Variants in DCDC2C observed in about 807,000 individuals in gnomAD.
DCDC2C encodes doublecortin domain containing 2C, also known as doublecortin domain-containing protein 2C.
In DCDC2C, 44 loss-of-function variants were observed where a neutral mutation model predicts 45.0. The observed-to-expected ratio is 0.98, with a 90% CI of 0.77 to 1.26. DCDC2C has a LOEUF of 1.26. Ranked by LOEUF, DCDC2C falls within the 50% of genes most tolerant of loss-of-function variation. The pLI, the probability that DCDC2C is intolerant of heterozygous loss-of-function variation, is 0.00. For synonymous variants in DCDC2C, 187 were observed against 178.8 expected, an observed-to-expected ratio of 1.05 and a Z score of -0.37; for missense variants, 447 against 468.9, an observed-to-expected ratio of 0.95 and a Z score of 0.43.
At chr2:3,805,422 C>T (rs770407186) in intron 10 of DCDC2C, among the ~76,000 whole-genome samples, 8 of 152,110 alleles carry the variant, frequency 5.3e-5, no homozygotes, top group Non-Finnish European at 1.2e-4. Flanking sequence ...CATACTGAGT[C>T]GTGTGTGTGA....
chr2:3,739,471 G>A (rs565998404), intron 3 of DCDC2C, among the ~76,000 whole-genome samples: 1 of 152,330 alleles, frequency 6.6e-6, no homozygotes, highest in East Asian at 1.9e-4. Context: ...CTGGACGTCG[G>A]GAGGAGCACA....
intron 10 of DCDC2C, among the ~76,000 whole-genome samples, chr2:3,806,476 T>A (rs1011872592): frequency 5.3e-5 from 8 of 152,104 alleles, no homozygotes; most frequent in Non-Finnish European, 1.2e-4. Context: ...TAGAGACCCA[T>A]CTCTTGAAAT....
chr2:3,831,035 G>A (rs1671938568), intron 10 of DCDC2C, among the ~76,000 whole-genome samples: 1 of 152,042 alleles, frequency 6.6e-6, no homozygotes, highest in African/African-American at 2.4e-5. Context: ...GCAATTCCGA[G>A]TAGGATTTAC....
At chr2:3,790,601 A>G (rs1242556201) in intron 10 of DCDC2C, among the ~76,000 whole-genome samples, 1 of 152,168 alleles carries the variant, frequency 6.6e-6, no homozygotes, top group Admixed American at 6.5e-5. Context: ...TCATTAATTG[A>G]TTTTTAAAAT....
intron 10 of DCDC2C, among the ~76,000 whole-genome samples, chr2:3,846,073 G>A (rs1274597883): frequency 2.0e-5 from 3 of 151,996 alleles, no homozygotes; most frequent in African/African-American, 4.8e-5. Context: ...GAGCAGGGAC[G>A]GGACTGGAAC....
At chr2:3,768,788 G>A (rs961350445) in intron 7 of DCDC2C, among the ~76,000 whole-genome samples, 8 of 152,136 alleles carry the variant, frequency 5.3e-5, no homozygotes, top group Non-Finnish European at 1.2e-4. Context: ...TGCCCAGGCT[G>A]GTCTTGAACT....
chr2:3,765,028 C>T (rs1017199865), intron 6 of DCDC2C, among the ~76,000 whole-genome samples: 1 of 152,176 alleles, frequency 6.6e-6, no homozygotes, highest in Non-Finnish European at 1.5e-5. Flanking sequence ...ATAGATATCA[C>T]GTCTTCAGTA....
At chr2:3,744,441 C>T (rs1020845172) in intron 4 of DCDC2C, among the ~76,000 whole-genome samples, 29 of 152,174 alleles carry the variant, frequency 1.9e-4, no homozygotes, top group Admixed American at 1.8e-3. Flanking sequence ...CCTGGGGATG[C>T]TTCTGGGCAC....
intron 6 of DCDC2C, among the ~76,000 whole-genome samples, chr2:3,756,358 A>G (rs1669715963): frequency 6.6e-6 from 1 of 152,168 alleles, no homozygotes; most frequent in South Asian, 2.1e-4. Context: ...CACTGGCTCA[A>G]GTCCCCTCCC....
intron 6 of DCDC2C, among the ~76,000 whole-genome samples, chr2:3,758,960 A>C (rs199797475): frequency 2.4e-4 from 37 of 152,348 alleles, no homozygotes; most frequent in African/African-American, 8.2e-4. Flanking sequence ...TTCACTTTGC[A>C]AACCTGTGTG....
chr2:3,808,611 C>T (rs768537704), intron 10 of DCDC2C, among the ~76,000 whole-genome samples: 4 of 152,124 alleles, frequency 2.6e-5, no homozygotes, highest in Non-Finnish European at 5.9e-5. Flanking sequence ...AGGATGGTCT[C>T]GATCTCCTGA....
rs148377674 is a variant in DCDC2C at position 3,749,603 on chromosome 2, C to T, written c.546-3160C>T. On this transcript the variant is annotated intron_variant, in intron 4 of 10. Transcript: ENST00000399143. ...TACCTCTCTTAGAAGAAAATGAGGC[C>T]GAGATGAGTTTAGGGAAGAGTCCGA... Among the ~76,000 whole-genome samples the T allele has an allele frequency of 2.3e-3, 348 of 152,256 alleles. 1 individual carries two copies. The highest frequency in any genetic ancestry group is 3.4e-3 in the Non-Finnish European group (233 of 68,026).
At chr2:3,704,247 CA>C in intron 1 of DCDC2C, 1 of 419,124 alleles carries the variant, frequency 2.4e-6, no homozygotes, top group Non-Finnish European at 4.0e-6. Context: ...GCCCCGCCCC[CA>C]GGGTCCCTTC....
In DCDC2C at chr2:3,726,837, G is replaced by A. The variant is rs1440396697; in HGVS notation, c.340-166G>A. On this transcript the variant is annotated intron_variant, in intron 2 of 10. Coordinates refer to ENST00000399143, the MANE Select transcript of DCDC2C (RefSeq NM_001287444.2). ...GGCATCTTCTCCTCCCCCAGCACCT[G>A]GTCTGCCTCTCTCTGCATCCTTCCT... is the stretch of plus-strand genomic sequence containing the variant. 2.0e-5 allele frequency among the ~76,000 whole-genome samples: 3 copies of A among 151,918 alleles called. No homozygotes were observed. The South Asian group carries it at 6.3e-4, about 32-fold the overall frequency.
At chr2:3,707,493 G>T (rs1454152782) in intron 1 of DCDC2C, among the ~76,000 whole-genome samples, 1 of 152,200 alleles carries the variant, frequency 6.6e-6, no homozygotes, top group East Asian at 1.9e-4. Flanking sequence ...TCAGCCAGCA[G>T]CCATGTTTTG....
intron 10 of DCDC2C, among the ~76,000 whole-genome samples, chr2:3,842,171 T>C (rs946711185): frequency 6.6e-6 from 1 of 152,156 alleles, no homozygotes; most frequent in African/African-American, 2.4e-5. Context: ...TCCATTGGAA[T>C]GAGACTCAGT....
chr2:3,819,314 C>T (rs551737593), intron 10 of DCDC2C, among the ~76,000 whole-genome samples: 125 of 152,326 alleles, frequency 8.2e-4, no homozygotes, highest in Non-Finnish European at 1.3e-3. Flanking sequence ...GGAGGAATCC[C>T]GGGCTGTGGG....
At chr2:3,768,855 T>G (rs1041042419) in intron 7 of DCDC2C, among the ~76,000 whole-genome samples, 7 of 152,324 alleles carry the variant, frequency 4.6e-5, no homozygotes, top group African/African-American at 1.7e-4. Flanking sequence ...ATTACAGGCG[T>G]GAGCCACTGC....
chr2:3,777,947 C>T (rs1028444640), intron 8 of DCDC2C, among the ~76,000 whole-genome samples: 1 of 152,214 alleles, frequency 6.6e-6, no homozygotes, highest in African/African-American at 2.4e-5. Context: ...CAGGAAGGTG[C>T]ATGAAGAGCC....
Sources: allele counts gnomAD v4.1 joint callset (sites outside exome capture counted in the v4.1 genomes callset), GRCh38; gene constraint gnomAD v4.1.1; transcripts MANE v1.5; gene names NCBI Gene and HGNC (gene_info 2026-07-23, HGNC 2026-07-21).